Variants in ATP6V1C1 observed in about 807,000 individuals in gnomAD.
ATP6V1C1 encodes ATPase H+ transporting V1 subunit C1.
ATP6V1C1 carries 45 observed loss-of-function variants against 53.9 expected under a neutral mutation model. The observed-to-expected ratio is 0.83, with a 90% confidence interval of 0.66 to 1.07. ATP6V1C1 has a LOEUF of 1.07. Among genes scored for constraint, ATP6V1C1 ranks in the 50% least tolerant of loss-of-function variants. ATP6V1C1 has a pLI of 0.00. For missense variants in ATP6V1C1, 315 were observed against 440.3 expected, an observed-to-expected ratio of 0.72 and a Z score of 2.55; for synonymous variants, 153 against 155.2, an observed-to-expected ratio of 0.99 and a Z score of 0.11.
At chr8:103,033,257 G>T (rs888985465) in intron 1 of ATP6V1C1, among the ~76,000 whole-genome samples, 4 of 152,180 alleles carry the variant, frequency 2.6e-5, no homozygotes, top group Admixed American at 2.0e-4. Context: ...GGTTTTGACA[G>T]TGCTCACACA....
Position 103,066,328 on chromosome 8 carries a change from T to C in ATP6V1C1, c.934T>C (p.Leu312=). The change falls in exon 12 of 13, where the codon TTG becomes CTG. Residue 312 remains leucine, a synonymous_variant. Transcript: ENST00000518738. Reference sequence around the variant, plus strand: ...TTTCTGCTTTTTTGTAAGGTATGGCTTGCCAGTGAACTTCCAAGCAATGCT... The same window carrying C: ...TTTCTGCTTTTTTGTAAGGTATGGCCTGCCAGTGAACTTCCAAGCAATGCT... ...VFVESVLRYG[L]PVNFQAMLLQ... The C allele has an allele frequency of 6.2e-7, 1 of 1,609,356 alleles. No homozygotes were observed. The highest frequency in any genetic ancestry group is 8.5e-7 in the Non-Finnish European group (1 of 1,178,730).
intron 1 of ATP6V1C1, among the ~76,000 whole-genome samples, chr8:103,034,869 C>A (rs1335626296): frequency 6.6e-6 from 1 of 152,112 alleles, no homozygotes; most frequent in Non-Finnish European, 1.5e-5. Flanking sequence ...CTGTGCCTGG[C>A]CTCAAGGAGA....
intron 3 of ATP6V1C1, 115 bp from the exon 4 acceptor site, chr8:103,048,755 T>C: frequency 1.3e-6 from 1 of 780,684 alleles, no homozygotes; most frequent in Non-Finnish European, 2.1e-6. Flanking sequence ...ATTATATGGA[T>C]AGGTATAATG....
intron 6 of ATP6V1C1, among the ~76,000 whole-genome samples, chr8:103,053,323 G>A (rs766884875): frequency 6.6e-6 from 1 of 151,932 alleles, no homozygotes; most frequent in Non-Finnish European, 1.5e-5. Flanking sequence ...AAGCATGAAA[G>A]TATTCAAGTT....
At chr8:103,024,629 T>A (rs561849672) in intron 1 of ATP6V1C1, among the ~76,000 whole-genome samples, 1 of 152,362 alleles carries the variant, frequency 6.6e-6, no homozygotes, top group South Asian at 2.1e-4. Context: ...GGTGTGGAAT[T>A]ATATATCATT....
intron 5 of ATP6V1C1, among the ~76,000 whole-genome samples, chr8:103,051,760 T>G (rs1817204558): frequency 6.6e-6 from 1 of 151,874 alleles, no homozygotes; most frequent in Non-Finnish European, 1.5e-5. Context: ...AAAGTCTTTT[T>G]CCCCCCAAGA....
intron 1 of ATP6V1C1, among the ~76,000 whole-genome samples, chr8:103,035,962 G>T (rs964668202): frequency 6.6e-6 from 1 of 152,176 alleles, no homozygotes; most frequent in African/African-American, 2.4e-5. Context: ...TTTAGAAATT[G>T]TGATGATCCT....
chr8:103,062,914 A>C, intron 8 of ATP6V1C1, 41 bp from the exon 9 acceptor site: 1 of 1,563,654 alleles, frequency 6.4e-7, no homozygotes, highest in Non-Finnish European at 8.8e-7. Flanking sequence ...AAAGACAGCA[A>C]TACGTATAAA....
At chr8:103,065,187 T>A (rs1183463151) in intron 11 of ATP6V1C1, among the ~76,000 whole-genome samples, 2 of 152,226 alleles carry the variant, frequency 1.3e-5, no homozygotes, top group African/African-American at 4.8e-5. Context: ...CTAAAGTATT[T>A]TAATATTTTG....
intron 1 of ATP6V1C1, among the ~76,000 whole-genome samples, chr8:103,038,552 T>A (rs1482415041): frequency 6.6e-6 from 1 of 152,210 alleles, no homozygotes; most frequent in African/African-American, 2.4e-5. Context: ...TATGTACACA[T>A]TGTTCACAGC....
At chr8:103,037,078 G>A (rs1039548890) in intron 1 of ATP6V1C1, among the ~76,000 whole-genome samples, 7 of 152,114 alleles carry the variant, frequency 4.6e-5, no homozygotes, top group South Asian at 4.1e-4. Context: ...AGCTAGATTC[G>A]CTAAGTGCGA....
intron 1 of ATP6V1C1, among the ~76,000 whole-genome samples, chr8:103,025,594 G>T (rs1275181445): frequency 2.6e-5 from 4 of 152,160 alleles, no homozygotes; most frequent in South Asian, 4.1e-4. Context: ...TGAGGCACTT[G>T]TCTTTTGTAA....
intron 3 of ATP6V1C1, among the ~76,000 whole-genome samples, chr8:103,043,323 G>T (rs891071647): frequency 6.8e-4 from 57 of 83,974 alleles, no homozygotes; most frequent in African/African-American, 1.8e-3. Flanking sequence ...TAATATCTTT[G>T]TTTTTTTTGT....
chr8:103,035,311 T>A (rs1235983166), intron 1 of ATP6V1C1, among the ~76,000 whole-genome samples: 3 of 149,684 alleles, frequency 2.0e-5, no homozygotes, highest in Admixed American at 6.6e-5. Context: ...TTTGATTGGT[T>A]CCATCATTGT....
In ATP6V1C1 at chr8:103,068,760, C is replaced by A. The variant is rs368761745; in HGVS notation, c.*13C>A. ...GGAATTCAAGTGAAAATGGGCTCCT[C>A]CCCCGACAATCCTGTCCTTGTGTTT... On this transcript the variant is annotated 3_prime_UTR_variant, in exon 13 of 13. Coordinates refer to ENST00000518738, the MANE Select transcript of ATP6V1C1 (RefSeq NM_001695.5). 6.3e-7 allele frequency: 1 copy of A among 1,597,274 alleles called. No individual in the cohort carries two copies. Among genetic ancestry groups the A allele is most frequent in the Admixed American group, 1.7e-5 (1 of 59,246 alleles).
At chr8:103,045,636 AC>A (rs1817080241) in intron 3 of ATP6V1C1, among the ~76,000 whole-genome samples, 1 of 152,164 alleles carries the variant, frequency 6.6e-6, no homozygotes, top group Admixed American at 6.5e-5. Context: ...CCTTGCTTAT[AC>A]ATTTTTAATT....
chr8:103,040,026 T>G (rs1271595398), intron 1 of ATP6V1C1, among the ~76,000 whole-genome samples: 1 of 152,184 alleles, frequency 6.6e-6, no homozygotes, highest in Non-Finnish European at 1.5e-5. Context: ...CCATGTAGGA[T>G]TTGCTAAGCC....
chr8:103,062,412 C>T (rs1817418522), intron 8 of ATP6V1C1, among the ~76,000 whole-genome samples: 1 of 151,996 alleles, frequency 6.6e-6, no homozygotes, highest in Admixed American at 6.6e-5. Context: ...CTCAAGCAAT[C>T]ACCCACCTCA....
Position 103,061,683 on chromosome 8 carries a change from G to A in ATP6V1C1, c.642-1272G>A, listed in dbSNP as rs1022593829. Among the ~76,000 whole-genome samples the A allele has an allele frequency of 9.9e-5, 15 of 152,244 alleles. No homozygotes were observed. In the South Asian group the frequency reaches 1.5e-3, roughly 15 times the overall value. ...ACTTCAGATTATAGACATTAAATGC[G>A]TACAGTTTTCTGTATAACGATTATA... On this transcript the variant is annotated intron_variant, in intron 8 of 12. Coordinates refer to ENST00000518738, the MANE Select transcript of ATP6V1C1 (RefSeq NM_001695.5).
Sources: allele counts gnomAD v4.1 joint callset (sites outside exome capture counted in the v4.1 genomes callset), GRCh38; gene constraint gnomAD v4.1.1; transcripts MANE v1.5; gene names NCBI Gene and HGNC (gene_info 2026-07-23, HGNC 2026-07-21).